The following COL5A2 variants were observed in gnomAD, a reference collection of about 807,000 sequenced individuals.
COL5A2 encodes collagen alpha-2(V) chain.
COL5A2 carries 23 observed loss-of-function variants against 208.2 expected under a neutral mutation model. The observed-to-expected ratio is 0.11, with a 90% CI of 0.08 to 0.16. The LOEUF (loss-of-function observed/expected upper bound fraction) is 0.16. Among genes scored for constraint, COL5A2 ranks in the 10% least tolerant of loss-of-function variants. The pLI is 1.00. For synonymous variants in COL5A2, 625 were observed against 628.5 expected (o/e 0.99, Z 0.08); for missense variants, 1,590 against 1,956.4 (o/e 0.81, Z 3.53).
At chr2:189,333,161 G>T in the COL5A2 span, among the ~76,000 whole-genome samples, 1 of 151,752 alleles carries the variant, frequency 6.6e-6, no homozygotes, top group East Asian at 1.9e-4. Context: ...GAAAAAGGAA[G>T]AATAAATTAG....
chr2:189,149,341 T>C (rs907247184), intron 1 of COL5A2, among the ~76,000 whole-genome samples: 5 of 152,124 alleles, frequency 3.3e-5, no homozygotes, highest in Non-Finnish European at 7.4e-5. Context: ...GAAAGTGAAA[T>C]AAATGAAGTA....
chr2:189,057,263 T>G, intron 34 of COL5A2, 57 bp downstream of exon 34: 1 of 1,135,940 alleles, frequency 8.8e-7, no homozygotes, highest in Non-Finnish European at 1.3e-6. Context: ...CATTTCATTT[T>G]CAGCAGAAAG....
chr2:189,328,645 T>A, the COL5A2 span, among the ~76,000 whole-genome samples: 1 of 152,218 alleles, frequency 6.6e-6, no homozygotes, highest in Non-Finnish European at 1.5e-5. Context: ...TGCCAAAACA[T>A]CTTAGACATG....
chr2:189,204,059 G>T (rs1197578087), intron 1 of COL5A2, among the ~76,000 whole-genome samples: 1 of 151,954 alleles, frequency 6.6e-6, no homozygotes, highest in African/African-American at 2.4e-5. Flanking sequence ...CACCACGCCC[G>T]GCTAATTTTT....
chr2:189,280,442 C>A, the COL5A2 span, among the ~76,000 whole-genome samples: 1 of 152,040 alleles, frequency 6.6e-6, no homozygotes, highest in African/African-American at 2.4e-5. Flanking sequence ...AATTACTGTG[C>A]AAACTCTCTA....
At chr2:189,271,606 C>T in the COL5A2 span, among the ~76,000 whole-genome samples, 1 of 152,126 alleles carries the variant, frequency 6.6e-6, no homozygotes, top group African/African-American at 2.4e-5. Flanking sequence ...TGGGCAAAGA[C>T]TTCATGACTA....
intron 1 of COL5A2, among the ~76,000 whole-genome samples, chr2:189,160,402 C>T (rs1333022426): frequency 6.6e-6 from 1 of 152,142 alleles, no homozygotes; most frequent in Non-Finnish European, 1.5e-5. Context: ...ATATCTTGGG[C>T]AATCTTTATC....
rs921325804 is a variant in COL5A2 at position 189,091,977 on chromosome 2, G to C, written c.567+333C>G. Among the ~76,000 whole-genome samples the C allele has an allele frequency of 2.6e-5, 4 of 152,144 alleles. No individual in the cohort carries two copies. In the East Asian group the frequency reaches 7.7e-4, roughly 29 times the overall value. ...AGATTTTTTTGGCATTCTGAGCCTA[G>C]AGAATAGGACAGATAAATCTCTCAT... On this transcript the variant is annotated intron_variant, in intron 7 of 53. Transcript: ENST00000374866.
intron 1 of COL5A2, among the ~76,000 whole-genome samples, chr2:189,120,028 C>T (rs528441691): frequency 6.6e-6 from 1 of 152,128 alleles, no homozygotes; most frequent in Admixed American, 6.5e-5. Context: ...AAAGCTCATC[C>T]TAAATTTGTC....
chr2:189,049,481 A>C (rs190617991), intron 43 of COL5A2, 27 bp from the exon 44 acceptor site: 1 of 1,569,962 alleles, frequency 6.4e-7, no homozygotes, highest in East Asian at 2.2e-5. Flanking sequence ...AATGTCAAAC[A>C]CTTGTGAAGA....
chr2:189,348,859 T>A, the COL5A2 span, among the ~76,000 whole-genome samples: 1 of 152,186 alleles, frequency 6.6e-6, no homozygotes, highest in African/African-American at 2.4e-5. Context: ...AATTTATTAC[T>A]TTTTCTTTAG....
In COL5A2 at chr2:189,079,096, G is replaced by A. The variant is rs745305971; in HGVS notation, c.972C>T (p.Gly324=). Reference sequence around the variant, plus strand: ...CCATGGCACCCATTGGACCAGTGGGGCCAGCTTCACCCTAAAAAAAAATGA... The same window carrying A: ...CCATGGCACCCATTGGACCAGTGGGACCAGCTTCACCCTAAAAAAAAATGA... ...VGAPGSKGEA[G]PTGPMGAMGP... Residue 324 remains glycine, a synonymous_variant, in exon 15 of 54, where the codon GGC becomes GGT. Transcript: ENST00000374866. 6.2e-7 allele frequency: 1 copy of A among 1,612,622 alleles called. No individual in the cohort carries two copies. Among genetic ancestry groups the A allele is most frequent in the Admixed American group, 1.7e-5 (1 of 59,928 alleles).
chr2:189,347,201 G>C, the COL5A2 span, among the ~76,000 whole-genome samples: 9 of 152,108 alleles, frequency 5.9e-5, no homozygotes, highest in African/African-American at 1.7e-4. Context: ...GCACAACTTT[G>C]CTTTTTAAGA....
chr2:189,378,368 G>T, the COL5A2 span, among the ~76,000 whole-genome samples: 1 of 152,140 alleles, frequency 6.6e-6, no homozygotes, highest in African/African-American at 2.4e-5. Context: ...CTGACTTTAA[G>T]TTCCCTGAAA....
chr2:189,311,563 G>T, the COL5A2 span: 1 of 1,261,086 alleles, frequency 7.9e-7, no homozygotes, highest in Non-Finnish European at 1.1e-6. Flanking sequence ...GCTGGGCGTA[G>T]TGGGCCTCCA....
the COL5A2 span, among the ~76,000 whole-genome samples, chr2:189,340,568 G>T: frequency 6.6e-6 from 1 of 152,096 alleles, no homozygotes; most frequent in Admixed American, 6.5e-5. Context: ...TCTTTTTAAG[G>T]TCTACATAAG....
At chr2:189,056,742 C>A in intron 35 of COL5A2, 1 of 581,306 alleles carries the variant, frequency 1.7e-6, no homozygotes, top group Non-Finnish European at 3.1e-6. Context: ...CCCCTTAAGG[C>A]ACTTATCTCA....
At chr2:189,282,295 C>T in the COL5A2 span, among the ~76,000 whole-genome samples, 1 of 152,024 alleles carries the variant, frequency 6.6e-6, no homozygotes, top group Non-Finnish European at 1.5e-5. Flanking sequence ...TGCCTCTATG[C>T]TAGCATTTTA....
intron 34 of COL5A2, 59 bp downstream of exon 34, chr2:189,057,261 T>C: frequency 3.2e-6 from 4 of 1,248,126 alleles, no homozygotes; most frequent in Non-Finnish European, 4.6e-6. Context: ...ATCATTTCAT[T>C]TTCAGCAGAA....
Sources: gnomAD v4.1 joint callset for allele counts (sites outside exome capture counted in the v4.1 genomes callset) on GRCh38, gnomAD v4.1.1 for gene constraint, MANE v1.5 for transcripts, NCBI Gene and HGNC (gene_info 2026-07-23, HGNC 2026-07-21) for gene names.